MCOLN1: variants seen among roughly 807,000 people sequenced by gnomAD.
MCOLN1 encodes the protein mucolipin TRP cation channel 1, also known as mucolipin-1.
Under a neutral mutation model 70.3 loss-of-function variants are expected in MCOLN1, and 50 were observed. The ratio of observed to expected loss-of-function variants is 0.71; its 90% CI spans 0.57 to 0.90. MCOLN1 has a LOEUF of 0.90. Among genes scored for constraint, MCOLN1 ranks in the 40% least tolerant of loss-of-function variants. MCOLN1 has a pLI of 0.00. For missense variants in MCOLN1, 598 were observed against 803.5 expected (o/e 0.74, Z 3.09); for synonymous variants, 366 against 341.0 (o/e 1.07, Z -0.81).
rs1016486622 is a variant in MCOLN1 at position 7,528,216 on chromosome 19, C to T, written c.836C>T (p.Ala279Val). The change falls in exon 7 of 14, where the codon GCC becomes GTC. Residue 279 changes from alanine (A) to valine (V), a missense_variant. Ala to Val is a moderately conservative substitution (Grantham distance 64, BLOSUM62 0). This residue lies in a region of MCOLN1 where 461 missense variants were observed against 588.4 expected (regional missense o/e 0.78). Coordinates refer to ENST00000264079, the MANE Select transcript of MCOLN1 (RefSeq NM_020533.3). The surrounding 1 kb of genome is among the most constrained non-coding windows in gnomAD (Gnocchi z 4.2). The stretch of plus-strand genomic sequence containing the variant: ...ATCCCCATCAGCCTGGAGACCCAGG[C>T]CCACATCCAGGAGTGTAAGCACCCC... ...GRIPISLETQ[A>V]HIQECKHPSV... 1.2e-6 allele frequency: 2 copies of T among 1,614,010 alleles called. No individual in the cohort carries two copies. The highest frequency in any genetic ancestry group is 2.7e-5 in the African/African-American group (2 of 74,912).
Position 7,526,691 on chromosome 19 carries a change from G to A in MCOLN1, c.406-70G>A, listed in dbSNP as rs946548278. On this transcript the variant is annotated intron_variant, in intron 3 of 13. Coordinates refer to ENST00000264079, the MANE Select transcript of MCOLN1 (RefSeq NM_020533.3). This position sits in a 1 kb window ranked among gnomAD's most constrained non-coding sequence, Gnocchi z 4.6. ...GTTGGGCGGGCAGGTGCTGGTGGGC[G>A]GGCAGGTGCAGGTGGGTGGGCTGCA... 20 of 1,601,310 alleles carry A rather than the reference G, an allele frequency of 1.2e-5. No homozygotes were observed. Among genetic ancestry groups the A allele is most frequent in the African/African-American group, 2.7e-5 (2 of 74,672 alleles).
At position 7,526,425 on chromosome 19, in the gene MCOLN1, T is replaced by C. The variant is rs2146022365; in HGVS notation, c.238-14T>C. 4 of 1,614,202 alleles carry C rather than the reference T, an allele frequency of 2.5e-6. No homozygotes were observed. Among genetic ancestry groups the C allele is most frequent in the African/African-American group, 1.3e-5 (1 of 75,070 alleles). On this transcript the variant is annotated splice_polypyrimidine_tract_variant and intron_variant, in intron 2 of 13. Coordinates refer to ENST00000264079, the MANE Select transcript of MCOLN1 (RefSeq NM_020533.3). The surrounding 1 kb of genome is among the most constrained non-coding windows in gnomAD (Gnocchi z 4.6). ...CCATCCTAGCCATGCCAACCTCTAC[T>C]ACCCTCTCCCCAGCTCATCCTGTTT...
chr19:7,530,825 C>A (rs186076885), intron 12 of MCOLN1, among the ~76,000 whole-genome samples: 7 of 152,320 alleles, frequency 4.6e-5, no homozygotes, highest in Admixed American at 3.9e-4. Flanking sequence ...CTCACTGCAA[C>A]CTCCACCTCC....
In MCOLN1 at chr19:7,526,803, G is replaced by A; in HGVS notation, c.448G>A (p.Val150Ile). Residue 150 changes from valine to isoleucine, a missense_variant, in exon 4 of 14, where the codon GTC (valine) becomes ATC (isoleucine). Around this residue, in one of 3 missense-constraint regions of MCOLN1, gnomAD observed 461 missense variants for 588.4 expected, o/e 0.78. Coordinates refer to ENST00000264079, the MANE Select transcript of MCOLN1 (RefSeq NM_020533.3). This position sits in a 1 kb window ranked among gnomAD's most constrained non-coding sequence, Gnocchi z 4.6. The stretch of plus-strand genomic sequence containing the variant: ...CGTGTCACTGGGCCGGTATGCGTAT[G>A]TCCGTGGTGGGGGTGACCCTTGGAC... The part of the protein sequence containing the change: ...PDVSLGRYAY[V>I]RGGGDPWTNG... 1 of 1,614,214 alleles carries A rather than the reference G, an allele frequency of 6.2e-7. No individual in the cohort carries two copies. Among genetic ancestry groups the A allele is most frequent in the Non-Finnish European group, 8.5e-7 (1 of 1,180,044 alleles).
rs1599252279 is a variant in MCOLN1 at position 7,525,016 on chromosome 19, A to C, written c.87A>C (p.Ser29=). The change falls in exon 2 of 14, where the codon TCA becomes TCC. Residue 29 remains serine, a synonymous_variant. Transcript: ENST00000264079. This position sits in a 1 kb window ranked among gnomAD's most constrained non-coding sequence, Gnocchi z 4.2. ...NPGYGTQAGP[S]PAPPTPPEEE... ...GGTATGGGACCCAGGCGGGGCCTTC[A>C]CCGGCCCCTCCGACACCCCCAGAAG... 1 of 1,613,582 alleles carries C rather than the reference A, an allele frequency of 6.2e-7. No homozygotes were observed.
chr19:7,531,859 G>A (rs1413998227), intron 12 of MCOLN1, among the ~76,000 whole-genome samples: 1 of 152,050 alleles, frequency 6.6e-6, no homozygotes, highest in Non-Finnish European at 1.5e-5. Flanking sequence ...GTAGAGATGG[G>A]GTTTCACCAT....
chr19:7,528,383 G>T lies in MCOLN1; in HGVS notation c.877+126G>T. On this transcript the variant is annotated intron_variant, in intron 7 of 13. Transcript: ENST00000264079. The surrounding 1 kb of genome is among the most constrained non-coding windows in gnomAD (Gnocchi z 4.2). ...CAGGAATCCGCTGAGCCTCAGATCAGCACAGACCAGGGACCCCGTCCTGTG... is the reference window on the plus strand; with the variant it reads ...CAGGAATCCGCTGAGCCTCAGATCATCACAGACCAGGGACCCCGTCCTGTG... 1 of 1,035,916 alleles carries T rather than the reference G, an allele frequency of 9.7e-7. No homozygotes were observed. The allele number at this position is 1,035,916 out of a possible 1,614,324, so 64.2% of individuals were successfully genotyped here.
At position 7,529,096 on chromosome 19, in the gene MCOLN1, C is replaced by T. The variant is rs748490777; in HGVS notation, c.1135-5C>T. On this transcript the variant is annotated splice_region_variant and splice_polypyrimidine_tract_variant and intron_variant, in intron 9 of 13. Transcript: ENST00000264079. ...CAGATAGGTTGACGCAGCTCCCACC[C>T]GCAGAACTTGGCGAGCTACGACGTC... is the stretch of plus-strand genomic sequence containing the variant. The T allele has an allele frequency of 2.4e-5, 39 of 1,613,776 alleles. No homozygotes were observed. The highest frequency in any genetic ancestry group is 1.1e-4 in the African/African-American group (8 of 74,924).
intron 12 of MCOLN1, among the ~76,000 whole-genome samples, chr19:7,531,444 A>C (rs12460790): frequency 0.016 from 2,369 of 148,044 alleles, 172 homozygotes; most frequent in Admixed American, 0.12. Context: ...CAGGTGATCC[A>C]CCTGCCTTGG....
rs2022581487 is a variant in MCOLN1, at chr19:7,526,993, G to C, written c.571+67G>C. 2 of 1,598,024 alleles carry C rather than the reference G, an allele frequency of 1.3e-6. No homozygotes were observed. The highest frequency in any genetic ancestry group is 1.7e-6 in the Non-Finnish European group (2 of 1,167,666). On this transcript the variant is annotated intron_variant, in intron 4 of 13. Coordinates refer to ENST00000264079, the MANE Select transcript of MCOLN1 (RefSeq NM_020533.3). The surrounding 1 kb of genome is among the most constrained non-coding windows in gnomAD (Gnocchi z 4.6). The stretch of plus-strand genomic sequence containing the variant: ...TGCTGGGATTAAAATCAACAGCTGT[G>C]GCTGGGCACGGTGGCTCACGCCTAT...
In MCOLN1 at chr19:7,528,573, C is replaced by T; in HGVS notation, c.878-24C>T. The T allele has an allele frequency of 6.2e-7, 1 of 1,613,800 alleles. No individual in the cohort carries two copies. The highest frequency in any genetic ancestry group is 1.7e-4 in the Middle Eastern group (1 of 5,862). On this transcript the variant is annotated intron_variant, in intron 7 of 13. Transcript: ENST00000264079. The surrounding 1 kb of genome is among the most constrained non-coding windows in gnomAD (Gnocchi z 4.2). ...CCAAGGCTCCATGCCATCCTTGGCC[C>T]TACCCGCTCTGCCCTCCCCGCAGGA...
chr19:7,533,981 G>A lies in MCOLN1; in HGVS notation c.*186G>A. 1 of 689,432 alleles carries A rather than the reference G, an allele frequency of 1.5e-6. No homozygotes were observed. Among genetic ancestry groups the A allele is most frequent in the Non-Finnish European group, 2.5e-6 (1 of 393,880 alleles). The allele number at this position is 689,432 out of a possible 1,614,324, so 42.7% of individuals were successfully genotyped here. The stretch of plus-strand genomic sequence containing the variant: ...GGGTGGGGAGGGTGTTGAATAAAAG[G>A]GAAAATAAATGTGTCGTTTTCATTT... On this transcript the variant is annotated 3_prime_UTR_variant, in exon 14 of 14. Transcript: ENST00000264079.
rs1286190787 is a variant in MCOLN1 at position 7,522,715 on chromosome 19, G to C, written c.-36G>C. 6.9e-7 allele frequency: 1 copy of C among 1,451,568 alleles called. No homozygotes were observed. Among genetic ancestry groups the C allele is most frequent in the Non-Finnish European group, 9.0e-7 (1 of 1,106,382 alleles). The allele number at this position is 1,451,568 out of a possible 1,614,324, so 89.9% of individuals were successfully genotyped here. A position where few individuals can be genotyped will look rare whatever the true frequency, so the allele number is the denominator to read the frequency against. ...CGGGCGATCGGACCCAGGCTGCCCC[G>C]CCGTACCCGCCTGCGTCCCGCGCTC... On this transcript the variant is annotated 5_prime_UTR_variant, in exon 1 of 14. Transcript: ENST00000264079.
chr19:7,529,510 C>T, intron 10 of MCOLN1, 80 bp from the exon 11 acceptor site: 1 of 912,890 alleles, frequency 1.1e-6, no homozygotes, highest in Non-Finnish European at 1.7e-6. Context: ...GGCCCCGCCC[C>T]TCCCACCCCC....
chr19:7,528,601 C>G lies in MCOLN1; in HGVS notation c.882C>G (p.Asp294Glu), dbSNP rs886043054. The change falls in exon 8 of 14, where the codon GAC (aspartate) becomes GAG (glutamate). Residue 294 changes from aspartate (D) to glutamate (E), a missense_variant. Transcript: ENST00000264079. The surrounding 1 kb of genome is among the most constrained non-coding windows in gnomAD (Gnocchi z 4.2). ...CCCGCTCTGCCCTCCCCGCAGGAGA[C>G]AACAGCTTCCGGCTCCTGTTTGACG... Reference protein sequence around the residue: ...CKHPSVFQHGDNSFRLLFDVV... With the variant: ...CKHPSVFQHGENSFRLLFDVV... 6 of 1,614,214 alleles carry G rather than the reference C, an allele frequency of 3.7e-6. No individual in the cohort carries two copies. The South Asian group carries it at 6.6e-5, about 18-fold the overall frequency.
At chr19:7,529,822 G>C in intron 11 of MCOLN1, 110 bp downstream of exon 11, 1 of 1,303,864 alleles carries the variant, frequency 7.7e-7, no homozygotes, top group East Asian at 2.3e-5. Context: ...ACTGTCCCCT[G>C]TGGTCCTTGG....
rs1240182972 is a variant in MCOLN1, at chr19:7,524,311, C to T, written c.32-650C>T. Among the ~76,000 whole-genome samples the T allele has an allele frequency of 8.5e-5, 13 of 152,128 alleles. No homozygotes were observed. The highest frequency in any genetic ancestry group is 1.3e-4 in the Non-Finnish European group (9 of 68,018). The stretch of plus-strand genomic sequence containing the variant: ...TCAGGGAGATAAAATGAGTCTTTAG[C>T]GAATGTGTTCCATTATTATTACTTA... On this transcript the variant is annotated intron_variant, in intron 1 of 13. Transcript: ENST00000264079. This position sits in a 1 kb window ranked among gnomAD's most constrained non-coding sequence, Gnocchi z 4.1.
At position 7,525,899 on chromosome 19, in the gene MCOLN1, C is replaced by T. The variant is rs994603840; in HGVS notation, c.238-540C>T. On this transcript the variant is annotated intron_variant, in intron 2 of 13. Coordinates refer to ENST00000264079, the MANE Select transcript of MCOLN1 (RefSeq NM_020533.3). This position sits in a 1 kb window ranked among gnomAD's most constrained non-coding sequence, Gnocchi z 4.2. Reference sequence around the variant, plus strand: ...CCAACATTGCAAAACCCCGTCTCTACTAAAAATACAAAAATTAGCTGGGTT... The same window carrying T: ...CCAACATTGCAAAACCCCGTCTCTATTAAAAATACAAAAATTAGCTGGGTT... The T allele has an allele frequency of 2.7e-5, 5 of 184,402 alleles. No individual in the cohort carries two copies. The highest frequency in any genetic ancestry group is 1.2e-4 in the African/African-American group (5 of 42,154). 11.4% of individuals were successfully genotyped at this position (184,402 alleles called of 1,614,324 possible).
chr19:7,529,518 C>CCCATCTGGGGG, intron 10 of MCOLN1, 72 bp from the exon 11 acceptor site: 1 of 1,352,500 alleles, frequency 7.4e-7, no homozygotes, highest in Non-Finnish European at 1.0e-6. Context: ...CCCTCCCACC[C>CCCATCTGGGGG]CCATCTGGGT....
Sources: allele counts gnomAD v4.1 joint callset (sites outside exome capture counted in the v4.1 genomes callset), GRCh38; gene constraint gnomAD v4.1.1; regional missense constraint gnomAD v4.1.1; non-coding constraint Gnocchi (gnomAD v3.1); transcripts MANE v1.5; gene names NCBI Gene and HGNC (gene_info 2026-07-23, HGNC 2026-07-21).